Variants in FKBP3 observed in about 807,000 individuals in gnomAD.
FKBP3 encodes the protein FKBP prolyl isomerase 3.
Under a neutral mutation model 30.6 loss-of-function variants are expected in FKBP3, and 21 were observed. The observed-to-expected ratio is 0.69, with a 90% confidence interval of 0.49 to 0.99. The LOEUF is 0.99. FKBP3 is among the 50% of genes least tolerant of loss of function. The pLI is 0.00. For missense variants in FKBP3, 283 were observed against 261.6 expected, an observed-to-expected ratio of 1.08 and a Z score of -0.56; for synonymous variants, 82 against 91.3, an observed-to-expected ratio of 0.90 and a Z score of 0.58.
In FKBP3 at chr14:45,134,452, G is replaced by T; in HGVS notation, c.5C>A (p.Ala2Glu). The part of the protein sequence containing the change: M[A>E]AAVPQRAWTV... ...CCACGCCCGCTGTGGAACGGCCGCC[G>T]CCATCTTCCCCCGCTGCCTCCGCTT... Residue 2 changes from alanine (A) to glutamate (E), a missense_variant, in exon 1 of 7, where the codon GCG becomes GAG. Ala to Glu is a moderately radical substitution (Grantham distance 107, BLOSUM62 -1). Transcript: ENST00000396062. The T allele has an allele frequency of 6.2e-7, 1 of 1,607,326 alleles. No individual in the cohort carries two copies. The highest frequency in any genetic ancestry group is 1.1e-5 in the South Asian group (1 of 90,786).
At chr14:45,129,754 G>A (rs1466429119) in intron 3 of FKBP3, 40 bp downstream of exon 3, 1 of 1,217,464 alleles carries the variant, frequency 8.2e-7, no homozygotes, top group Admixed American at 2.4e-5. Context: ...ACAATTTCTA[G>A]ACTCCACATG....
chr14:45,134,462 C>T lies in FKBP3; in HGVS notation c.-6G>A, dbSNP rs1350491123. ...TGTGGAACGGCCGCCGCCATCTTCCCCCGCTGCCTCCGCTTTACTGAGCCA... is the reference window on the plus strand; with the variant it reads ...TGTGGAACGGCCGCCGCCATCTTCCTCCGCTGCCTCCGCTTTACTGAGCCA... On this transcript the variant is annotated 5_prime_UTR_variant, in exon 1 of 7. Transcript: ENST00000396062. 2 of 1,609,732 alleles carry T rather than the reference C, an allele frequency of 1.2e-6. No homozygotes were observed. Among genetic ancestry groups the T allele is most frequent in the Non-Finnish European group, 1.7e-6 (2 of 1,177,786 alleles).
rs772446215 is a variant in FKBP3, at chr14:45,120,911, G to A, written c.498C>T (p.Val166=). 32 of 1,613,090 alleles carry A rather than the reference G, an allele frequency of 2.0e-5. No individual in the cohort carries two copies. In the East Asian group the frequency reaches 4.7e-4, roughly 24 times the overall value. The change falls in exon 5 of 7, where the codon GTC becomes GTT. Residue 166 remains valine (V), a synonymous_variant. Coordinates refer to ENST00000396062, the MANE Select transcript of FKBP3 (RefSeq NM_002013.4). Reference sequence around the variant, plus strand: ...CTCCTCTGATAACTTTGCCTACTCCGACCTTAAAACTTAAAGGCTTGGCAT... The same window carrying A: ...CTCCTCTGATAACTTTGCCTACTCCAACCTTAAAACTTAAAGGCTTGGCAT... ...KKNAKPLSFK[V]GVGKVIRGWD... is the part of the protein sequence containing the mutation.
chr14:45,125,885 T>G (rs987959347), intron 3 of FKBP3, among the ~76,000 whole-genome samples: 1 of 151,954 alleles, frequency 6.6e-6, no homozygotes, highest in Non-Finnish European at 1.5e-5. Context: ...AGCAGACATT[T>G]GTGGTCAAAG....
chr14:45,122,179 G>C (rs1238840993), intron 3 of FKBP3, among the ~76,000 whole-genome samples: 2 of 151,870 alleles, frequency 1.3e-5, no homozygotes, highest in Admixed American at 1.3e-4. Flanking sequence ...GGATTATCAG[G>C]GTCTTCTACA....
At chr14:45,126,538 G>A (rs547635778) in intron 3 of FKBP3, among the ~76,000 whole-genome samples, 7 of 152,072 alleles carry the variant, frequency 4.6e-5, no homozygotes, top group African/African-American at 1.4e-4. Context: ...GGAATATGGA[G>A]CTTAGCAGCA....
At chr14:45,118,446 A>G (rs1287645566) in intron 5 of FKBP3, among the ~76,000 whole-genome samples, 3 of 152,086 alleles carry the variant, frequency 2.0e-5, no homozygotes, top group African/African-American at 7.2e-5. Context: ...CCTAGCTAAC[A>G]TAGTGAAACC....
chr14:45,123,421 T>G (rs1225833498), intron 3 of FKBP3, among the ~76,000 whole-genome samples: 1 of 151,368 alleles, frequency 6.6e-6, no homozygotes, highest in Non-Finnish European at 1.5e-5. Flanking sequence ...CAAAAAAAAT[T>G]TACTGTTTGT....
Position 45,130,730 on chromosome 14 carries a change from A to G in FKBP3, c.179T>C (p.Val60Ala). ...TTCAAAAAGATGGTTATAGGCTGTA[A>G]CCAAGTGGTCCTTGTTAGCTGTCTT... ...VAKTANKDHL[V>A]TAYNHLFETK... Residue 60 changes from valine to alanine, a missense_variant, in exon 2 of 7, where the codon GTT becomes GCT. Coordinates refer to ENST00000396062, the MANE Select transcript of FKBP3 (RefSeq NM_002013.4). 6.2e-7 allele frequency: 1 copy of G among 1,609,852 alleles called. No homozygotes were observed. Among genetic ancestry groups the G allele is most frequent in the Non-Finnish European group, 8.5e-7 (1 of 1,177,952 alleles).
intron 5 of FKBP3, 151 bp from the exon 6 acceptor site, chr14:45,118,276 C>T (rs1319872599): frequency 5.9e-6 from 3 of 509,988 alleles, no homozygotes; most frequent in Non-Finnish European, 1.0e-5. Flanking sequence ...TTCAGTGAGT[C>T]CCTAAATCTT....
chr14:45,129,784 A>G lies in FKBP3; in HGVS notation c.318+10T>C. 6.7e-7 allele frequency: 1 copy of G among 1,492,614 alleles called. No homozygotes were observed. The highest frequency in any genetic ancestry group is 9.1e-7 in the Non-Finnish European group (1 of 1,095,416). The allele number at this position is 1,492,614 out of a possible 1,614,324, so 92.5% of individuals were successfully genotyped here. On this transcript the variant is annotated intron_variant, in intron 3 of 6. Transcript: ENST00000396062. ...CACATGATAAAATAAAAAAATAATT[A>G]TATACAGACCTCATCCAGGGTCTCT...
intron 3 of FKBP3, among the ~76,000 whole-genome samples, chr14:45,127,304 AG>A (rs984630589): frequency 7.9e-5 from 12 of 151,132 alleles, no homozygotes; most frequent in Admixed American, 5.9e-4. Context: ...TAGTAGAGAC[AG>A]GGTTTAACCA....
At chr14:45,116,280 TA>T in intron 6 of FKBP3, 28 bp from the exon 7 acceptor site, 1 of 1,585,004 alleles carries the variant, frequency 6.3e-7, no homozygotes, top group Non-Finnish European at 8.7e-7. Flanking sequence ...GTACATTTGA[TA>T]AAAAGTGCCT....
At position 45,130,713 on chromosome 14, in the gene FKBP3, G is replaced by A. The variant is rs1287101182; in HGVS notation, c.196C>T (p.Leu66Phe). The A allele has an allele frequency of 6.3e-7, 1 of 1,584,862 alleles. No homozygotes were observed. The highest frequency in any genetic ancestry group is 1.4e-5 in the African/African-American group (1 of 73,514). Residue 66 changes from leucine to phenylalanine, a missense_variant, in exon 2 of 7, where the codon CTT becomes TTT. Coordinates refer to ENST00000396062, the MANE Select transcript of FKBP3 (RefSeq NM_002013.4). ...ACAATACTCACCTTAGTTTCAAAAA[G>A]ATGGTTATAGGCTGTAACCAAGTGG... ...KDHLVTAYNH[L>F]FETKRFKGTE...
At chr14:45,119,522 T>C (rs1281721421) in intron 5 of FKBP3, among the ~76,000 whole-genome samples, 1 of 151,550 alleles carries the variant, frequency 6.6e-6, no homozygotes, top group African/African-American at 2.4e-5. Context: ...TAAGCCGAGA[T>C]TGCACCATTG....
chr14:45,127,200 G>T (rs1042647450), intron 3 of FKBP3, among the ~76,000 whole-genome samples: 1 of 148,332 alleles, frequency 6.7e-6, no homozygotes, highest in Non-Finnish European at 1.5e-5. Flanking sequence ...TGCAACCTCC[G>T]CCTCTGGGGT....
At chr14:45,126,171 G>A (rs1885092436) in intron 3 of FKBP3, among the ~76,000 whole-genome samples, 2 of 150,884 alleles carry the variant, frequency 1.3e-5, no homozygotes, top group Non-Finnish European at 3.0e-5. Flanking sequence ...GATAATAGGC[G>A]TGAGCCACTG....
rs908562536 is a variant in FKBP3, at chr14:45,118,270, G to A, written c.523-145C>T. 1.1e-5 allele frequency: 6 copies of A among 526,574 alleles called. No homozygotes were observed. In the Admixed American group the frequency reaches 2.0e-4, roughly 18 times the overall value. The allele number at this position is 526,574 out of a possible 1,614,324, so 32.6% of individuals were successfully genotyped here. ...CTATATTCTAAGATAATGTACTTCAGTGAGTCCCTAAATCTTTGTCTTCCA... is the reference window on the plus strand; with the variant it reads ...CTATATTCTAAGATAATGTACTTCAATGAGTCCCTAAATCTTTGTCTTCCA... On this transcript the variant is annotated intron_variant, in intron 5 of 6. Coordinates refer to ENST00000396062, the MANE Select transcript of FKBP3 (RefSeq NM_002013.4).
At chr14:45,117,454 G>C (rs777399039) in intron 6 of FKBP3, among the ~76,000 whole-genome samples, 7 of 151,978 alleles carry the variant, frequency 4.6e-5, no homozygotes, top group Non-Finnish European at 7.4e-5. Context: ...GGATTGGTCT[G>C]GTCTTAATGG....
Sources: gnomAD v4.1 joint callset for allele counts (sites outside exome capture counted in the v4.1 genomes callset) on GRCh38, gnomAD v4.1.1 for gene constraint, MANE v1.5 for transcripts, NCBI Gene and HGNC (gene_info 2026-07-23, HGNC 2026-07-21) for gene names.